MLLT3: variants seen among roughly 807,000 people sequenced by gnomAD.
The protein encoded by MLLT3 is protein AF-9.
A neutral mutation model predicts 53.2 loss-of-function variants in MLLT3; 4 were observed. The ratio of observed to expected loss-of-function variants is 0.08; its 90% confidence interval spans 0.04 to 0.17. The LOEUF is 0.17. Ranked by LOEUF, MLLT3 falls within the 10% of genes least tolerant of loss-of-function variation. MLLT3 has a pLI of 1.00. For missense variants in MLLT3, 569 were observed against 684.0 expected, an observed-to-expected ratio of 0.83 and a Z score of 1.87; for synonymous variants, 283 against 230.6, an observed-to-expected ratio of 1.23 and a Z score of -2.06.
intron 2 of MLLT3, among the ~76,000 whole-genome samples, chr9:20,477,982 C>T (rs1366103698): frequency 6.6e-6 from 1 of 152,222 alleles, no homozygotes; most frequent in African/African-American, 2.4e-5. Context: ...CAACTTCATC[C>T]TCTATTTACA....
chr9:20,448,218 C>T lies in MLLT3; in HGVS notation c.325G>A (p.Glu109Lys). The T allele has an allele frequency of 1.2e-6, 2 of 1,613,558 alleles. No homozygotes were observed. The highest frequency in any genetic ancestry group is 1.7e-6 in the Non-Finnish European group (2 of 1,179,740). The part of the protein sequence containing the change: ...RFDYDLFLHL[E>K]GHPPVNHLRC... ...AGGTGATTCACTGGTGGATGGCCTTCAAGATGCAGGAATAAGTCATAATCA... is the reference window on the plus strand; with the variant it reads ...AGGTGATTCACTGGTGGATGGCCTTTAAGATGCAGGAATAAGTCATAATCA... Residue 109 changes from glutamate to lysine, a missense_variant, in exon 4 of 11, where the codon GAA (glutamate) becomes AAA (lysine). Coordinates refer to ENST00000380338, the MANE Select transcript of MLLT3 (RefSeq NM_004529.4). The surrounding 1 kb of genome is among the most constrained non-coding windows in gnomAD (Gnocchi z 4.0).
intron 5 of MLLT3, among the ~76,000 whole-genome samples, chr9:20,404,764 C>T (rs1822539674): frequency 6.6e-6 from 1 of 152,132 alleles, no homozygotes; most frequent in Admixed American, 6.5e-5. Flanking sequence ...CCTTGGCCTC[C>T]CAAAGCACTG....
At chr9:20,405,246 T>G (rs187372502) in intron 5 of MLLT3, among the ~76,000 whole-genome samples, 8 of 152,308 alleles carry the variant, frequency 5.3e-5, no homozygotes, top group Non-Finnish European at 1.2e-4. Flanking sequence ...TCAATCAGCA[T>G]TTTAGAAATC....
At chr9:20,412,957 C>G (rs1356470341) in intron 5 of MLLT3, among the ~76,000 whole-genome samples, 2 of 151,984 alleles carry the variant, frequency 1.3e-5, no homozygotes, top group African/African-American at 4.8e-5. Context: ...AGTTTAAACC[C>G]CAATATCAAA....
At position 20,517,406 on chromosome 9, in the gene MLLT3, G is replaced by A. The variant is rs370179616; in HGVS notation, c.194-60620C>T. ...TCTAAATACAATCCCCCAATAAAAG[G>A]AACCAAGGTTTTTTAGGGTCAGCCT... On this transcript the variant is annotated intron_variant, in intron 2 of 10. Coordinates refer to ENST00000380338, the MANE Select transcript of MLLT3 (RefSeq NM_004529.4). Among the ~76,000 whole-genome samples, 16 of 150,510 alleles carry A rather than the reference G, an allele frequency of 1.1e-4. No individual in the cohort carries two copies. The South Asian group carries it at 3.4e-3, about 32-fold the overall frequency.
At chr9:20,498,058 C>T (rs1459489104) in intron 2 of MLLT3, among the ~76,000 whole-genome samples, 1 of 151,184 alleles carries the variant, frequency 6.6e-6, no homozygotes, top group East Asian at 2.0e-4. Context: ...TTTGTCTCTA[C>T]TAAAAAATAT....
intron 2 of MLLT3, among the ~76,000 whole-genome samples, chr9:20,486,602 G>A (rs912160149): frequency 6.6e-6 from 1 of 152,092 alleles, no homozygotes; most frequent in Non-Finnish European, 1.5e-5. Context: ...TGAAAGATTA[G>A]CGAAAGTTTT....
intron 4 of MLLT3, among the ~76,000 whole-genome samples, chr9:20,418,766 G>A (rs763249867): frequency 6.6e-6 from 1 of 152,074 alleles, no homozygotes; most frequent in Non-Finnish European, 1.5e-5. Context: ...ACAGGTGCAC[G>A]TGCCACCATA....
At chr9:20,357,022 T>C (rs1269176277) in intron 8 of MLLT3, among the ~76,000 whole-genome samples, 1 of 152,228 alleles carries the variant, frequency 6.6e-6, no homozygotes, top group Admixed American at 6.5e-5. Context: ...AGCTGAGCCC[T>C]GCTGAAGACA....
chr9:20,621,918 T>TGTGAGTGCGC lies in MLLT3; in HGVS notation c.12+317_12+326dup. ...TCCTTCCACCGTGTGTGTGTGTGTG[T>TGTGAGTGCGC]GTGAGTGCGCGCGTGTGAGCGAGAG... On this transcript the variant is annotated intron_variant, in intron 1 of 10. Transcript: ENST00000380338. This position sits in a 1 kb window ranked among gnomAD's most constrained non-coding sequence, Gnocchi z 7.0. The TGTGAGTGCGC allele has an allele frequency of 7.2e-7, 1 of 1,382,760 alleles. No individual in the cohort carries two copies. Among genetic ancestry groups the TGTGAGTGCGC allele is most frequent in the Non-Finnish European group, 9.3e-7 (1 of 1,074,572 alleles). The allele number at this position is 1,382,760 out of a possible 1,614,324, so 85.7% of individuals were successfully genotyped here.
intron 3 of MLLT3, among the ~76,000 whole-genome samples, chr9:20,450,737 T>C (rs1241262302): frequency 6.6e-6 from 1 of 152,224 alleles, no homozygotes; most frequent in East Asian, 1.9e-4. Flanking sequence ...TAGATGTCCC[T>C]CATGGCATTC....
intron 10 of MLLT3, among the ~76,000 whole-genome samples, chr9:20,352,214 C>T (rs544349662): frequency 4.3e-4 from 66 of 152,332 alleles, no homozygotes; most frequent in Middle Eastern, 3.4e-3. Flanking sequence ...GATGTCCCAA[C>T]CCTGCACAAA....
At chr9:20,464,659 G>GA (rs1218770160) in intron 2 of MLLT3, among the ~76,000 whole-genome samples, 1 of 151,554 alleles carries the variant, frequency 6.6e-6, no homozygotes, top group Non-Finnish European at 1.5e-5. Flanking sequence ...CTGAAAGAAA[G>GA]AAAAAAAGCG....
At chr9:20,402,840 A>C (rs1331528384) in intron 5 of MLLT3, among the ~76,000 whole-genome samples, 1 of 152,160 alleles carries the variant, frequency 6.6e-6, no homozygotes, top group Non-Finnish European at 1.5e-5. Flanking sequence ...TGCAGGTGGA[A>C]TTCAGCTGGG....
intron 5 of MLLT3, chr9:20,382,306 C>G (rs943971072): frequency 3.3e-5 from 5 of 151,772 alleles, no homozygotes; most frequent in Admixed American, 1.3e-4. Context: ...GAAATTACTA[C>G]TCATAGTAAA....
At chr9:20,573,644 A>G (rs1819586373) in intron 2 of MLLT3, among the ~76,000 whole-genome samples, 1 of 152,234 alleles carries the variant, frequency 6.6e-6, no homozygotes. Context: ...TAAGATCTGA[A>G]GCAATTTAAG....
intron 2 of MLLT3, among the ~76,000 whole-genome samples, chr9:20,512,876 C>T (rs1039185419): frequency 6.6e-6 from 1 of 152,226 alleles, no homozygotes; most frequent in Non-Finnish European, 1.5e-5. Context: ...CTGTTTATGG[C>T]ATTGCCCATT....
intron 4 of MLLT3, among the ~76,000 whole-genome samples, chr9:20,446,039 A>T (rs1304080092): frequency 1.3e-5 from 2 of 152,190 alleles, no homozygotes; most frequent in Non-Finnish European, 2.9e-5. Context: ...AAAGATGTTT[A>T]TTAGTCTACT....
chr9:20,528,409 T>C (rs996120935), intron 2 of MLLT3, among the ~76,000 whole-genome samples: 2 of 152,252 alleles, frequency 1.3e-5, no homozygotes, highest in African/African-American at 4.8e-5. Context: ...ATTAGTTTCC[T>C]GTGGCTGCTG....
Sources: allele counts gnomAD v4.1 joint callset (sites outside exome capture counted in the v4.1 genomes callset), GRCh38; gene constraint gnomAD v4.1.1; non-coding constraint Gnocchi (gnomAD v3.1); transcripts MANE v1.5; gene names NCBI Gene and HGNC (gene_info 2026-07-23, HGNC 2026-07-21).